Variants in ADGRF3 observed in about 807,000 individuals in gnomAD.
ADGRF3 encodes adhesion G protein-coupled receptor F3.
ADGRF3 carries 85 observed loss-of-function variants against 93.2 expected under a neutral mutation model. The observed-to-expected ratio is 0.91, with a 90% confidence interval of 0.77 to 1.09. The LOEUF (loss-of-function observed/expected upper bound fraction) is 1.09, where lower values mean the gene tolerates loss of function less well. ADGRF3 is among the 50% of genes least tolerant of loss of function. The probability of loss-of-function intolerance (pLI) is 0.00; values close to 1 mark genes in which losing one functional copy is unlikely to be tolerated. For synonymous variants in ADGRF3, 534 were observed against 532.5 expected, an observed-to-expected ratio of 1.00 and a Z score of -0.04; for missense variants, 1,125 against 1,246.2, an observed-to-expected ratio of 0.90 and a Z score of 1.46.
At chr2:26,328,703 C>T (rs1040499033) in intron 1 of ADGRF3, among the ~76,000 whole-genome samples, 4 of 152,216 alleles carry the variant, frequency 2.6e-5, no homozygotes, top group Non-Finnish European at 5.9e-5. Context: ...CCGCCCGCCT[C>T]AGCCTCCCAA....
Position 26,310,082 on chromosome 2 carries a change from G to C in ADGRF3, c.2898C>G (p.Arg966=), listed in dbSNP as rs112918722. 6.2e-7 allele frequency: 1 copy of C among 1,614,058 alleles called. No homozygotes were observed. Among genetic ancestry groups the C allele is most frequent in the South Asian group, 1.1e-5 (1 of 91,084 alleles). The change falls in exon 12 of 14, where the codon CGC becomes CGG. Residue 966 remains arginine, a synonymous_variant. Transcript: ENST00000651242. ...DRKIQEALRK[R]FCRAQAPSST... is the part of the protein sequence containing the mutation. ...AGCTGGGGGCTTGGGCGCGGCAGAA[G>C]CGTTTGCGCAAAGCTTCTTGTATCT...
chr2:26,343,100 G>A (rs1015832441), intron 1 of ADGRF3, among the ~76,000 whole-genome samples: 2 of 152,132 alleles, frequency 1.3e-5, no homozygotes, highest in African/African-American at 2.4e-5. Flanking sequence ...GCATTACCAC[G>A]AACGTGAGTA....
rs374585115 is a variant in ADGRF3 at position 26,314,649 on chromosome 2, T to C, written c.719-26A>G. ...CTGCAGAAACGTGTGTGCGGCGCTA[T>C]GTGGCTCCTCTGGGCCCCGCTGCAC... On this transcript the variant is annotated intron_variant, in intron 5 of 13. Coordinates refer to ENST00000651242, the MANE Select transcript of ADGRF3 (RefSeq NM_001321971.2). 36 of 1,596,076 alleles carry C rather than the reference T, an allele frequency of 2.3e-5. No homozygotes were observed. The African/African-American group carries it at 3.8e-4, about 17-fold the overall frequency.
In ADGRF3 at chr2:26,310,995, G is replaced by A. The variant is rs765222464; in HGVS notation, c.2529C>T (p.Tyr843=). 4.7e-5 allele frequency: 76 copies of A among 1,613,352 alleles called. No individual in the cohort carries two copies. The highest frequency in any genetic ancestry group is 1.6e-4 in the Middle Eastern group (1 of 6,084). The part of the protein sequence containing the change: ...TLGLYLPQGQ[Y]LREGECWLDG... Reference sequence around the variant, plus strand: ...CCAACCAGCATTCCCCCTCCCTCAGGTATTGCCCTTGAGGTAGGTAGAGCC... The same window carrying A: ...CCAACCAGCATTCCCCCTCCCTCAGATATTGCCCTTGAGGTAGGTAGAGCC... Residue 843 remains tyrosine (Y), a synonymous_variant, in exon 10 of 14, where the codon TAC becomes TAT. Transcript: ENST00000651242.
chr2:26,313,540 A>G lies in ADGRF3; in HGVS notation c.1106T>C (p.Val369Ala). Reference sequence around the variant, plus strand: ...AGCCTTGGTGACATTCCAGGTGAGCACCGAGGCGTCCTCAGGGCAGGTGAT... The same window carrying G: ...AGCCTTGGTGACATTCCAGGTGAGCGCCGAGGCGTCCTCAGGGCAGGTGAT... ...GDITCPEDAS[V>A]LTWNVTKAGH... Residue 369 changes from valine to alanine, a missense_variant, in exon 8 of 14, where the codon GTG (valine) becomes GCG (alanine). By Grantham distance (64) the Val-to-Ala change is moderately conservative. Transcript: ENST00000651242. The G allele has an allele frequency of 1.2e-6, 2 of 1,609,910 alleles. No individual in the cohort carries two copies. Among genetic ancestry groups the G allele is most frequent in the Non-Finnish European group, 1.7e-6 (2 of 1,179,264 alleles).
chr2:26,319,287 C>A (rs7571948), intron 1 of ADGRF3, among the ~76,000 whole-genome samples: 55,104 of 151,968 alleles, frequency 0.36, 10,176 homozygotes, highest in African/African-American at 0.42. Flanking sequence ...GCTCTGGACC[C>A]AAAGCTCCGA....
chr2:26,313,094 G>A lies in ADGRF3; in HGVS notation c.1298C>T (p.Ala433Val). Residue 433 changes from alanine to valine, a missense_variant, in exon 9 of 14, where the codon GCT becomes GTT. By Grantham distance (64) the Ala-to-Val change is moderately conservative. Transcript: ENST00000651242. The stretch of plus-strand genomic sequence containing the variant: ...TGCCAGGATCTGTGGCACCTCCTCA[G>A]CAGGACTGCCCTGGCCTGCCTGCAG... ...KLLQAGQGSP[A>V]EEVPQILAQL... 6.2e-7 allele frequency: 1 copy of A among 1,613,972 alleles called. No homozygotes were observed. Among genetic ancestry groups the A allele is most frequent in the Non-Finnish European group, 8.5e-7 (1 of 1,179,882 alleles).
chr2:26,328,895 A>C (rs1675604700), intron 1 of ADGRF3, among the ~76,000 whole-genome samples: 1 of 152,190 alleles, frequency 6.6e-6, no homozygotes. Context: ...TTCTGCTGTT[A>C]AGCCTGGATA....
intron 6 of ADGRF3, 111 bp downstream of exon 6, chr2:26,314,301 ACT>A: frequency 3.0e-6 from 3 of 983,920 alleles, no homozygotes; most frequent in Non-Finnish European, 4.5e-6. Flanking sequence ...CTTGGACCCC[ACT>A]CTCTGGTTGA....
rs977830587 is a variant in ADGRF3, at chr2:26,308,295, A to G, written c.*791T>C. The G allele has an allele frequency of 6.6e-6, 1 of 152,158 alleles. No homozygotes were observed. Among genetic ancestry groups the G allele is most frequent in the South Asian group, 2.1e-4 (1 of 4,836 alleles). The allele number at this position is 152,158 out of a possible 1,614,324, so 9.4% of individuals were successfully genotyped here. A position where few individuals can be genotyped will look rare whatever the true frequency, so the allele number is the denominator to read the frequency against. On this transcript the variant is annotated 3_prime_UTR_variant, in exon 14 of 14. Coordinates refer to ENST00000651242, the MANE Select transcript of ADGRF3 (RefSeq NM_001321971.2). ...CAGACTTTTTTCACGTATCTAGTTTAAAAATTTCTCAGAATCCTGTCATCT... is the reference window on the plus strand; with the variant it reads ...CAGACTTTTTTCACGTATCTAGTTTGAAAATTTCTCAGAATCCTGTCATCT...
At chr2:26,345,830 G>C (rs146054529) in intron 1 of ADGRF3, 3 of 421,258 alleles carry the variant, frequency 7.1e-6, no homozygotes, top group African/African-American at 6.2e-5. Flanking sequence ...CCGGGACCGG[G>C]AGCAAAGCCC....
At position 26,308,789 on chromosome 2, in the gene ADGRF3, A is replaced by C. The variant is rs1217634446; in HGVS notation, c.*297T>G. ...GTTGTAGTTAAAAACTGGTTGAGAA[A>C]GTTTACTTGTAATTATTCCGCACTT... On this transcript the variant is annotated 3_prime_UTR_variant, in exon 14 of 14. Coordinates refer to ENST00000651242, the MANE Select transcript of ADGRF3 (RefSeq NM_001321971.2). 2.5e-6 allele frequency: 1 copy of C among 407,078 alleles called. No individual in the cohort carries two copies. The highest frequency in any genetic ancestry group is 4.4e-6 in the Non-Finnish European group (1 of 228,060). The allele number at this position is 407,078 out of a possible 1,614,324, so 25.2% of individuals were successfully genotyped here.
chr2:26,325,163 A>G (rs1033934742), intron 1 of ADGRF3, among the ~76,000 whole-genome samples: 3 of 152,142 alleles, frequency 2.0e-5, no homozygotes, highest in African/African-American at 7.2e-5. Context: ...AGAGAAGGGG[A>G]AATGCACAGC....
Position 26,316,534 on chromosome 2 carries a change from G to C in ADGRF3, c.326-86C>G. 5 of 1,376,076 alleles carry C rather than the reference G, an allele frequency of 3.6e-6. No individual in the cohort carries two copies. In the South Asian group the frequency reaches 7.0e-5, roughly 19 times the overall value. 85.2% of individuals were successfully genotyped at this position (1,376,076 alleles called of 1,614,324 possible). On this transcript the variant is annotated intron_variant, in intron 3 of 13. Transcript: ENST00000651242. Reference sequence around the variant, plus strand: ...CAGACACCTGCCTGATGCCTGAGAGGCTTTAGGGCTGGGTATCTGGACCAA... The same window carrying C: ...CAGACACCTGCCTGATGCCTGAGAGCCTTTAGGGCTGGGTATCTGGACCAA...
At chr2:26,340,005 T>C (rs1676280154) in intron 1 of ADGRF3, among the ~76,000 whole-genome samples, 3 of 152,222 alleles carry the variant, frequency 2.0e-5, no homozygotes, top group South Asian at 4.1e-4. Context: ...TCTGGCCACT[T>C]TCCCTTTACC....
At chr2:26,341,782 C>T (rs1392209461) in intron 1 of ADGRF3, among the ~76,000 whole-genome samples, 1 of 151,950 alleles carries the variant, frequency 6.6e-6, no homozygotes, top group Non-Finnish European at 1.5e-5. Context: ...TGATTAAAAA[C>T]TGACTTGTGA....
Position 26,311,021 on chromosome 2 carries a change from C to T in ADGRF3, c.2503G>A (p.Gly835Arg). The change falls in exon 10 of 14, where the codon GGG (glycine) becomes AGG (arginine). Residue 835 changes from glycine (G) to arginine (R), a missense_variant. Coordinates refer to ENST00000651242, the MANE Select transcript of ADGRF3 (RefSeq NM_001321971.2). ...CPLGLAGVTL[G>R]LYLPQGQYLR... ...TATTGCCCTTGAGGTAGGTAGAGCC[C>T]CAGGGTGACACCTGCCAACCCCAGT... 1 of 1,612,302 alleles carries T rather than the reference C, an allele frequency of 6.2e-7. No individual in the cohort carries two copies. Among genetic ancestry groups the T allele is most frequent in the African/African-American group, 1.3e-5 (1 of 74,992 alleles).
At chr2:26,340,133 A>G (rs1480466863) in intron 1 of ADGRF3, among the ~76,000 whole-genome samples, 2 of 152,140 alleles carry the variant, frequency 1.3e-5, no homozygotes, top group Admixed American at 6.6e-5. Flanking sequence ...TCCTATTTGT[A>G]TATCTTGTTT....
intron 1 of ADGRF3, among the ~76,000 whole-genome samples, chr2:26,336,619 T>TG (rs1184386993): frequency 6.7e-6 from 1 of 148,948 alleles, no homozygotes; most frequent in East Asian, 2.0e-4. Context: ...CCAGCTACTC[T>TG]GGAGGCTGAG....
Sources: gnomAD v4.1 joint callset for allele counts (sites outside exome capture counted in the v4.1 genomes callset) on GRCh38, gnomAD v4.1.1 for gene constraint, MANE v1.5 for transcripts, NCBI Gene and HGNC (gene_info 2026-07-23, HGNC 2026-07-21) for gene names.